The following KDM6B variants were observed in gnomAD, a reference collection of about 807,000 sequenced individuals.
KDM6B encodes lysine demethylase 6B.
Under a neutral mutation model 150.4 loss-of-function variants are expected in KDM6B, and 22 were observed. The observed-to-expected ratio is 0.15, with a 90% CI of 0.10 to 0.21. The LOEUF is 0.21. KDM6B is among the 10% of genes least tolerant of loss of function. KDM6B has a pLI of 1.00. For missense variants in KDM6B, 1,984 were observed against 2,234.3 expected, an observed-to-expected ratio of 0.89 and a Z score of 2.26; for synonymous variants, 1,148 against 921.1, an observed-to-expected ratio of 1.25 and a Z score of -4.46.
chr17:7,852,839 C>G (rs1459180615), intron 21 of KDM6B, among the ~76,000 whole-genome samples, 161 bp from the exon 22 acceptor site: 7 of 152,186 alleles, frequency 4.6e-5, no homozygotes, highest in Non-Finnish European at 1.0e-4. Flanking sequence ...CAGGAAACTT[C>G]GCCTATAACA....
rs912625882 is a variant in KDM6B at position 7,848,624 on chromosome 17, C to T, written c.2336C>T (p.Pro779Leu). The T allele has an allele frequency of 2.1e-5, 33 of 1,597,160 alleles. No homozygotes were observed. Among genetic ancestry groups the T allele is most frequent in the Non-Finnish European group, 2.7e-5 (32 of 1,172,638 alleles). Reference protein sequence around the residue: ...KKPPPALPPPPPLAKFPPPSQ... With the variant: ...KKPPPALPPPLPLAKFPPPSQ... ...CCACCACCAGCCCTACCACCACCAC[C>T]GCCTCTAGCCAAGTTCCCTCCACCC... The change falls in exon 12 of 24, where the codon CCG becomes CTG. Residue 779 changes from proline (P) to leucine (L), a missense_variant. Physicochemically the swap from Pro to Leu is moderately conservative, Grantham distance 98 (BLOSUM62 -3). Around this residue, in one of 13 missense-constraint regions of KDM6B, gnomAD observed 1,379 missense variants for 1,275.6 expected, o/e 1.08. Coordinates refer to ENST00000448097, the MANE Select transcript of KDM6B (RefSeq NM_001348716.2).
chr17:7,834,716 A>C (rs2078296971), intron 1 of KDM6B, among the ~76,000 whole-genome samples: 1 of 152,014 alleles, frequency 6.6e-6, no homozygotes, highest in Non-Finnish European at 1.5e-5. Context: ...GCCATGGCCC[A>C]GTAAGGTCAG....
intron 1 of KDM6B, among the ~76,000 whole-genome samples, chr17:7,834,742 G>A (rs2078297411): frequency 6.6e-6 from 1 of 152,034 alleles, no homozygotes; most frequent in Non-Finnish European, 1.5e-5. Context: ...GTCAGACTTG[G>A]GTGTGTCCCG....
In KDM6B at chr17:7,853,538, C is replaced by T. The variant is rs753721931; in HGVS notation, c.*17C>T. On this transcript the variant is annotated 3_prime_UTR_variant, in exon 24 of 24. Transcript: ENST00000448097. ...TCGCGATGAGGCCGGACGCCCCGCC[C>T]GCCTGCCTGCCCGCGCAAGGCGCCG... The T allele has an allele frequency of 3.5e-6, 5 of 1,437,610 alleles. No homozygotes were observed. Among genetic ancestry groups the T allele is most frequent in the Non-Finnish European group, 4.5e-6 (5 of 1,100,696 alleles). The allele number at this position is 1,437,610 out of a possible 1,614,324, so 89.1% of individuals were successfully genotyped here. A position where few individuals can be genotyped will look rare whatever the true frequency, so the allele number is the denominator to read the frequency against.
rs751724010 is a variant in KDM6B at position 7,847,102 on chromosome 17, T to C, written c.910-3T>C. 3 of 1,612,310 alleles carry C rather than the reference T, an allele frequency of 1.9e-6. No individual in the cohort carries two copies. Among genetic ancestry groups the C allele is most frequent in the Non-Finnish European group, 2.5e-6 (3 of 1,179,472 alleles). ...ATCCTGCATCCCTGTTTATCTCCTA[T>C]AGGAGCAGCGGCACTCGCTGCCTCA... On this transcript the variant is annotated splice_polypyrimidine_tract_variant and splice_region_variant and intron_variant, in intron 10 of 23. Transcript: ENST00000448097.
chr17:7,852,626 A>C lies in KDM6B; in HGVS notation c.4600A>C (p.Lys1534Gln). 1 of 1,614,062 alleles carries C rather than the reference A, an allele frequency of 6.2e-7. No individual in the cohort carries two copies. Among genetic ancestry groups the C allele is most frequent in the East Asian group, 2.2e-5 (1 of 44,874 alleles). ...TVKISDPDLFKMIKFCLLQSM... is the reference protein window; with the variant it reads ...TVKISDPDLFQMIKFCLLQSM... ...CAAAATCAGCGACCCCGACTTGTTCAAGATGATCAAGTGAGGACCCTATTT... is the reference window on the plus strand; with the variant it reads ...CAAAATCAGCGACCCCGACTTGTTCCAGATGATCAAGTGAGGACCCTATTT... Residue 1534 changes from lysine (K) to glutamine (Q), a missense_variant, in exon 21 of 24, where the codon AAG becomes CAG. Physicochemically the swap from Lys to Gln is moderately conservative, Grantham distance 53. Coordinates refer to ENST00000448097, the MANE Select transcript of KDM6B (RefSeq NM_001348716.2).
Position 7,844,656 on chromosome 17 carries a change from G to T in KDM6B, c.-268-245G>T, listed in dbSNP as rs934868544. Among the ~76,000 whole-genome samples the T allele has an allele frequency of 2.6e-5, 4 of 152,218 alleles. No individual in the cohort carries two copies. Among genetic ancestry groups the T allele is most frequent in the Non-Finnish European group, 5.9e-5 (4 of 68,018 alleles). On this transcript the variant is annotated intron_variant, in intron 2 of 23. Transcript: ENST00000448097. This position sits in a 1 kb window ranked among gnomAD's most constrained non-coding sequence, Gnocchi z 5.9. ...CGGCGGCTCTGGGTGCTTGAGGCTT[G>T]CGGGTAGCGCCGGCCCCCACGCCGG...
chr17:7,837,287 T>G (rs1283665676), intron 1 of KDM6B, among the ~76,000 whole-genome samples: 3 of 150,864 alleles, frequency 2.0e-5, no homozygotes, highest in East Asian at 2.0e-4. Context: ...GTGTGTAGTA[T>G]GGGGGGGGGT....
intron 2 of KDM6B, 49 bp downstream of exon 2, chr17:7,840,073 C>T (rs1158136339): frequency 6.6e-6 from 1 of 152,644 alleles, no homozygotes; most frequent in African/African-American, 2.4e-5. Context: ...TAACTCTGCA[C>T]CACATGGTTG....
Position 7,849,249 on chromosome 17 carries a change from G to A in KDM6B, c.2961G>A (p.Arg987=), listed in dbSNP as rs764887160. The A allele has an allele frequency of 4.5e-6, 7 of 1,562,910 alleles. No homozygotes were observed. In the South Asian group the frequency reaches 8.1e-5, roughly 18 times the overall value. ...KEHQKEHRRH[R]RACKDSVGRR... is the part of the protein sequence containing the mutation. The stretch of plus-strand genomic sequence containing the variant: ...ATCAGAAGGAGCATCGGCGGCACAG[G>A]CGGGCCTGTAAGGACAGTGTGGGTC... Residue 987 remains arginine, a synonymous_variant, in exon 12 of 24, where the codon AGG becomes AGA. Transcript: ENST00000448097.
intron 1 of KDM6B, among the ~76,000 whole-genome samples, chr17:7,835,818 C>T (rs1260812920): frequency 1.3e-5 from 2 of 151,996 alleles, no homozygotes; most frequent in African/African-American, 4.8e-5. Context: ...GCCCCCCTCC[C>T]CTCGTGGAGT....
In KDM6B at chr17:7,848,296, C is replaced by T; in HGVS notation, c.2008C>T (p.Leu670Phe). 1 of 1,612,534 alleles carries T rather than the reference C, an allele frequency of 6.2e-7. No homozygotes were observed. Among genetic ancestry groups the T allele is most frequent in the Non-Finnish European group, 8.5e-7 (1 of 1,179,846 alleles). Residue 670 changes from leucine to phenylalanine, a missense_variant, in exon 12 of 24, where the codon CTC becomes TTC. Physicochemically the swap from Leu to Phe is conservative, Grantham distance 22 (BLOSUM62 0). Around this residue, in one of 13 missense-constraint regions of KDM6B, gnomAD observed 1,379 missense variants for 1,275.6 expected, o/e 1.08. Coordinates refer to ENST00000448097, the MANE Select transcript of KDM6B (RefSeq NM_001348716.2). Reference protein sequence around the residue: ...VGELPARGPRLFDFPPTPLED... With the variant: ...VGELPARGPRFFDFPPTPLED... ...GGAGCTGCCTGCCCGAGGCCCTCGACTCTTTGATTTTCCCCCCACTCCGCT... is the reference window on the plus strand; with the variant it reads ...GGAGCTGCCTGCCCGAGGCCCTCGATTCTTTGATTTTCCCCCCACTCCGCT...
In KDM6B at chr17:7,850,250, C is replaced by T. The variant is rs865984285; in HGVS notation, c.3673+73C>T. On this transcript the variant is annotated intron_variant, in intron 14 of 23. Coordinates refer to ENST00000448097, the MANE Select transcript of KDM6B (RefSeq NM_001348716.2). ...GGCATGTAGGACCCTCTGAGAAATCCCACACTTGAAGACTCATGACAGTGG... is the reference window on the plus strand; with the variant it reads ...GGCATGTAGGACCCTCTGAGAAATCTCACACTTGAAGACTCATGACAGTGG... The T allele has an allele frequency of 1.1e-5, 14 of 1,260,500 alleles. No homozygotes were observed. In the Middle Eastern group the frequency reaches 1.5e-3, roughly 135 times the overall value. 78.1% of individuals were successfully genotyped at this position (1,260,500 alleles called of 1,614,324 possible). A position where few individuals can be genotyped will look rare whatever the true frequency, so the allele number is the denominator to read the frequency against.
At chr17:7,845,816 A>AG in intron 5 of KDM6B, 56 bp from the exon 6 acceptor site, 1 of 1,586,988 alleles carries the variant, frequency 6.3e-7, no homozygotes, top group Non-Finnish European at 8.7e-7. Flanking sequence ...CCTCCTGCCT[A>AG]GGTAGGACAA....
At chr17:7,836,354 C>G (rs964978413) in intron 1 of KDM6B, among the ~76,000 whole-genome samples, 5 of 152,220 alleles carry the variant, frequency 3.3e-5, no homozygotes, top group Admixed American at 6.5e-5. Flanking sequence ...CTTCGCTTCT[C>G]CCGGTTATAT....
intron 2 of KDM6B, among the ~76,000 whole-genome samples, chr17:7,841,850 G>A (rs2078420216): frequency 6.6e-6 from 1 of 152,150 alleles, no homozygotes; most frequent in Non-Finnish European, 1.5e-5. Flanking sequence ...GCCTGCCCGG[G>A]TGGCTGAGTC....
At position 7,847,258 on chromosome 17, in the gene KDM6B, C is replaced by A. The variant is rs1442672685; in HGVS notation, c.1063C>A (p.Pro355Thr). The change falls in exon 11 of 24, where the codon CCC (proline) becomes ACC (threonine). Residue 355 changes from proline to threonine, a missense_variant. Pro to Thr is a conservative substitution (Grantham distance 38). Around this residue, in one of 13 missense-constraint regions of KDM6B, gnomAD observed 1,379 missense variants for 1,275.6 expected, o/e 1.08. Transcript: ENST00000448097. ...CCATGGCTGCCTGCCTGCCACCCGT[C>A]CCCCCGGAAGTGACCTTAGAGAGAG... ...ESHGCLPATR[P>T]PGSDLRESRV... 40 of 1,603,324 alleles carry A rather than the reference C, an allele frequency of 2.5e-5. No individual in the cohort carries two copies. The highest frequency in any genetic ancestry group is 3.3e-5 in the Non-Finnish European group (39 of 1,179,658).
At chr17:7,837,283 A>G (rs1214374683) in intron 1 of KDM6B, among the ~76,000 whole-genome samples, 1 of 148,200 alleles carries the variant, frequency 6.7e-6, no homozygotes. Flanking sequence ...AGTTGTGTGT[A>G]GTATGGGGGG....
Position 7,845,869 on chromosome 17 carries a change from C to T in KDM6B, c.138-3C>T, listed in dbSNP as rs2078522659. ...GTATATAACAGACTCCTTCTCTCTC[C>T]AGATGCTCAGCCAGCATTGGGCAGC... On this transcript the variant is annotated splice_region_variant and splice_polypyrimidine_tract_variant and intron_variant, in intron 5 of 23. Transcript: ENST00000448097. 6.2e-7 allele frequency: 1 copy of T among 1,613,072 alleles called. No individual in the cohort carries two copies. The highest frequency in any genetic ancestry group is 1.3e-5 in the African/African-American group (1 of 74,936).
Sources: gnomAD v4.1 joint callset for allele counts (sites outside exome capture counted in the v4.1 genomes callset) on GRCh38, gnomAD v4.1.1 for gene constraint, gnomAD v4.1.1 regional missense constraint, Gnocchi (gnomAD v3.1) non-coding constraint, MANE v1.5 for transcripts, NCBI Gene and HGNC (gene_info 2026-07-23, HGNC 2026-07-21) for gene names.